Variants in FHOD3 observed in about 807,000 individuals in gnomAD.
FHOD3 encodes the protein FH1/FH2 domain-containing protein 3.
A neutral mutation model predicts 173.0 loss-of-function variants in FHOD3; 90 were observed. That is an observed-to-expected ratio of 0.52 (90% CI 0.44 to 0.62). The LOEUF is 0.62. Ranked by LOEUF, FHOD3 falls within the 20% of genes least tolerant of loss-of-function variation. The pLI, the probability that FHOD3 is intolerant of heterozygous loss-of-function variation, is 0.00. For missense variants in FHOD3, 1,945 were observed against 2,034.7 expected, an observed-to-expected ratio of 0.96 and a Z score of 0.85; for synonymous variants, 828 against 823.0, an observed-to-expected ratio of 1.01 and a Z score of -0.10.
At chr18:36,629,571 GTGTTA>G (rs2034359236) in intron 10 of FHOD3, among the ~76,000 whole-genome samples, 1 of 152,176 alleles carries the variant, frequency 6.6e-6, no homozygotes. Flanking sequence ...AGAATCCACT[GTGTTA>G]TGTGTGAGGG....
At chr18:36,471,552 G>A (rs1037999443) in intron 3 of FHOD3, among the ~76,000 whole-genome samples, 2 of 152,150 alleles carry the variant, frequency 1.3e-5, no homozygotes, top group South Asian at 4.1e-4. Context: ...AGGCAATTAG[G>A]ATCAGAACAA....
intron 14 of FHOD3, among the ~76,000 whole-genome samples, chr18:36,674,084 T>C (rs1453062923): frequency 6.6e-6 from 1 of 152,212 alleles, no homozygotes; most frequent in African/African-American, 2.4e-5. Context: ...GATTTCAGAG[T>C]ATATTTTCAA....
chr18:36,589,390 T>C (rs1180864321), intron 6 of FHOD3, among the ~76,000 whole-genome samples: 1 of 152,144 alleles, frequency 6.6e-6, no homozygotes, highest in Non-Finnish European at 1.5e-5. Flanking sequence ...AGTGTGTTTC[T>C]CCAGCCCAAA....
At chr18:36,654,989 C>T (rs989214355) in intron 13 of FHOD3, among the ~76,000 whole-genome samples, 1 of 151,810 alleles carries the variant, frequency 6.6e-6, no homozygotes, top group African/African-American at 2.4e-5. Flanking sequence ...TTAATTTCCT[C>T]TGATTTCCAG....
intron 5 of FHOD3, among the ~76,000 whole-genome samples, chr18:36,573,734 C>T (rs1479416307): frequency 6.6e-6 from 1 of 152,186 alleles, no homozygotes; most frequent in African/African-American, 2.4e-5. Flanking sequence ...CAAGTTAGGA[C>T]ATAGCTTTGG....
intron 3 of FHOD3, among the ~76,000 whole-genome samples, chr18:36,381,511 C>T (rs2047785291): frequency 6.6e-6 from 1 of 152,124 alleles, no homozygotes; most frequent in South Asian, 2.1e-4. Flanking sequence ...TAGTAGCTGC[C>T]CGAGAGGAGG....
chr18:36,298,040 C>G, intron 1 of FHOD3, 40 bp downstream of exon 1: 1 of 1,421,822 alleles, frequency 7.0e-7, no homozygotes. Context: ...CTGGACTCAG[C>G]CCCCTGCCGC....
intron 28 of FHOD3, chr18:36,777,640 T>C (rs1227086446): frequency 6.6e-6 from 1 of 152,210 alleles, no homozygotes; most frequent in African/African-American, 2.4e-5. Context: ...TTAAAGAACA[T>C]AAAAGGTTAT....
At chr18:36,482,858 C>CACAGAGAGAGAGAGAGAGAG (rs1400178557) in intron 3 of FHOD3, among the ~76,000 whole-genome samples, 2 of 130,372 alleles carry the variant, frequency 1.5e-5, no homozygotes, top group African/African-American at 6.2e-5. Flanking sequence ...CACACACACA[C>CACAGAGAGAGAGAGAGAGAG]AGAGAGAGAG....
intron 1 of FHOD3, 56 bp from the exon 2 acceptor site, chr18:36,355,483 A>G (rs545322882): frequency 7.9e-6 from 11 of 1,394,832 alleles, no homozygotes; most frequent in African/African-American, 1.4e-5. Context: ...TGATTTCTCC[A>G]TATGTAGTCT....
At chr18:36,736,311 G>A (rs2041627953) in intron 20 of FHOD3, among the ~76,000 whole-genome samples, 1 of 152,368 alleles carries the variant, frequency 6.6e-6, no homozygotes, top group East Asian at 1.9e-4. Context: ...TGTTAACTCA[G>A]TTGGCCCTCT....
At chr18:36,567,868 C>T (rs1490731034) in intron 5 of FHOD3, among the ~76,000 whole-genome samples, 1 of 152,076 alleles carries the variant, frequency 6.6e-6, no homozygotes. Context: ...GGCATATGGG[C>T]ACCTAAAACT....
At chr18:36,691,523 G>T (rs1398620233) in intron 16 of FHOD3, among the ~76,000 whole-genome samples, 5 of 152,162 alleles carry the variant, frequency 3.3e-5, no homozygotes, top group Non-Finnish European at 7.4e-5. Flanking sequence ...CAAGGTTCTT[G>T]TTACTTCCAC....
chr18:36,590,965 G>GGA (rs1371187863), intron 6 of FHOD3, among the ~76,000 whole-genome samples: 2 of 152,194 alleles, frequency 1.3e-5, no homozygotes, highest in Non-Finnish European at 2.9e-5. Flanking sequence ...GCTAATGGGG[G>GGA]GAGTGGGTTG....
At chr18:36,573,449 A>G (rs1022324729) in intron 5 of FHOD3, among the ~76,000 whole-genome samples, 66 of 150,928 alleles carry the variant, frequency 4.4e-4, no homozygotes, top group African/African-American at 1.5e-3. Flanking sequence ...TACAGAAAAA[A>G]AAAAAAAATA....
intron 20 of FHOD3, among the ~76,000 whole-genome samples, chr18:36,738,333 G>A (rs1458219182): frequency 6.6e-6 from 1 of 152,142 alleles, no homozygotes; most frequent in African/African-American, 2.4e-5. Flanking sequence ...ATTTTTCTAG[G>A]ATAAATATCC....
intron 1 of FHOD3, among the ~76,000 whole-genome samples, chr18:36,305,765 G>A (rs1422997941): frequency 2.6e-5 from 4 of 152,180 alleles, no homozygotes; most frequent in Admixed American, 1.3e-4. Context: ...GGGAGAAAAC[G>A]AGGAGGAGGG....
At chr18:36,427,889 C>T (rs563467045) in intron 3 of FHOD3, among the ~76,000 whole-genome samples, 33 of 152,084 alleles carry the variant, frequency 2.2e-4, no homozygotes, top group Non-Finnish European at 4.3e-4. Flanking sequence ...TCATAATGAA[C>T]GTAATTGCTA....
intron 1 of FHOD3, among the ~76,000 whole-genome samples, chr18:36,348,539 T>C (rs1232978484): frequency 6.6e-6 from 1 of 152,140 alleles, no homozygotes; most frequent in Non-Finnish European, 1.5e-5. Flanking sequence ...TCCATTTGCA[T>C]TTTGAAAGTG....
Sources: gnomAD v4.1 joint callset for allele counts (sites outside exome capture counted in the v4.1 genomes callset) on GRCh38, gnomAD v4.1.1 for gene constraint, MANE v1.5 for transcripts, NCBI Gene and HGNC (gene_info 2026-07-23, HGNC 2026-07-21) for gene names.